UMODL1: variants seen among roughly 807,000 people sequenced by gnomAD.
UMODL1 encodes uromodulin-like 1.
Under a neutral mutation model 136.3 loss-of-function variants are expected in UMODL1, and 128 were observed. The ratio of observed to expected loss-of-function variants is 0.94; its 90% CI spans 0.81 to 1.09. The LOEUF (loss-of-function observed/expected upper bound fraction) is 1.09, where lower values mean the gene tolerates loss of function less well. Ranked by LOEUF, UMODL1 falls within the 50% of genes least tolerant of loss-of-function variation. The probability of loss-of-function intolerance (pLI) is 0.00; values close to 1 mark genes in which losing one functional copy is unlikely to be tolerated. For synonymous variants in UMODL1, 721 were observed against 720.0 expected (o/e 1.00, Z -0.02); for missense variants, 1,766 against 1,725.6 (o/e 1.02, Z -0.41).
chr21:42,081,484 C>T (rs924344796), intron 2 of UMODL1, among the ~76,000 whole-genome samples: 28 of 152,198 alleles, frequency 1.8e-4, no homozygotes, highest in African/African-American at 6.5e-4. Flanking sequence ...TCTCAGGGCA[C>T]TCAGTCAGCT....
chr21:42,108,067 T>A (rs1156480747), intron 9 of UMODL1, among the ~76,000 whole-genome samples: 1 of 152,252 alleles, frequency 6.6e-6, no homozygotes, highest in Non-Finnish European at 1.5e-5. Context: ...GCCTCAAGGC[T>A]TAATGCAAGA....
chr21:42,105,864 G>A (rs1180555531), intron 9 of UMODL1, among the ~76,000 whole-genome samples: 1 of 152,212 alleles, frequency 6.6e-6, no homozygotes, highest in Non-Finnish European at 1.5e-5. Context: ...GCAGCCACAG[G>A]AGACCCGTGT....
At chr21:42,140,192 G>A (rs1026259423) in intron 22 of UMODL1, among the ~76,000 whole-genome samples, 1 of 152,250 alleles carries the variant, frequency 6.6e-6, no homozygotes, top group East Asian at 1.9e-4. Context: ...GACGAAGAGG[G>A]GGTGGGCTGA....
chr21:42,126,575 T>A (rs2067058630), intron 18 of UMODL1, 85 bp downstream of exon 18: 1 of 1,580,380 alleles, frequency 6.3e-7, no homozygotes, highest in Non-Finnish European at 8.6e-7. Context: ...TGTCAACCAC[T>A]TAAGGACCCT....
At position 42,102,163 on chromosome 21, in the gene UMODL1, C is replaced by T; in HGVS notation, c.1187-3C>T. ...GGCTAATTTGTTTCACTGTCTGTCTCAGATGCCCAGGTATTTGAAGTCACA... is the reference window on the plus strand; with the variant it reads ...GGCTAATTTGTTTCACTGTCTGTCTTAGATGCCCAGGTATTTGAAGTCACA... On this transcript the variant is annotated splice_polypyrimidine_tract_variant and splice_region_variant and intron_variant, in intron 7 of 22. Coordinates refer to ENST00000408910, the MANE Select transcript of UMODL1 (RefSeq NM_001004416.3). The T allele has an allele frequency of 6.2e-7, 1 of 1,609,148 alleles. No homozygotes were observed. The highest frequency in any genetic ancestry group is 8.5e-7 in the Non-Finnish European group (1 of 1,176,320).
At chr21:42,121,272 T>G (rs764038127) in intron 16 of UMODL1, 48 bp downstream of exon 16, 1 of 1,565,114 alleles carries the variant, frequency 6.4e-7, no homozygotes, top group Non-Finnish European at 8.7e-7. Flanking sequence ...TCATAATCGG[T>G]TTTTTTTAAG....
chr21:42,071,465 C>G (rs1264308197), intron 1 of UMODL1, 73 bp downstream of exon 1: 3 of 1,388,840 alleles, frequency 2.2e-6, no homozygotes, highest in Non-Finnish European at 2.8e-6. Context: ...ATGAGGACAG[C>G]CCCCTGTGGA....
intron 6 of UMODL1, among the ~76,000 whole-genome samples, chr21:42,095,112 T>TTTTTTTTTA (rs1601205271): frequency 6.9e-6 from 1 of 144,372 alleles, no homozygotes; most frequent in African/African-American, 2.6e-5. Flanking sequence ...TTTTTTTTTT[T>TTTTTTTTTA]GAGACAGGGT....
Position 42,095,089 on chromosome 21 carries a change from GTTT to G in UMODL1, c.932-3816_932-3814del, listed in dbSNP as rs58764222. 4.4e-4 allele frequency among the ~76,000 whole-genome samples: 27 copies of G among 61,206 alleles called. 1 individual carries two copies. Among genetic ancestry groups the G allele is most frequent in the Admixed American group, 2.0e-3 (7 of 3,560 alleles). 40.2% of individuals were successfully genotyped at this position (61,206 alleles called of 152,430 possible). ...CATCACTCCTTTGTTTTCTTCTGCTGTTTTTTTTTTTTTTTTTTTTTTTGAGAC... is the reference window on the plus strand; with the variant it reads ...CATCACTCCTTTGTTTTCTTCTGCTGTTTTTTTTTTTTTTTTTTTTGAGAC... On this transcript the variant is annotated intron_variant, in intron 6 of 22. Transcript: ENST00000408910.
At chr21:42,067,698 G>A (rs2066194337), upstream of UMODL1, among the ~76,000 whole-genome samples, 1 of 152,164 alleles carries the variant, frequency 6.6e-6, no homozygotes, top group Non-Finnish European at 1.5e-5. Context: ...GAAGGCCTGG[G>A]CGCCTCTTCT....
intron 1 of UMODL1, among the ~76,000 whole-genome samples, chr21:42,072,990 G>A (rs958199463): frequency 1.3e-5 from 2 of 149,564 alleles, no homozygotes; most frequent in South Asian, 2.1e-4. Context: ...AACATCTCCC[G>A]GGTTCCACAG....
chr21:42,112,562 C>A (rs2066848957), intron 12 of UMODL1, among the ~76,000 whole-genome samples: 1 of 151,864 alleles, frequency 6.6e-6, no homozygotes, highest in East Asian at 1.9e-4. Flanking sequence ...CTGTTCTGTA[C>A]CCCCAGCTGT....
At chr21:42,103,750 C>T (rs2066669993) in intron 8 of UMODL1, 118 bp from the exon 9 acceptor site, 2 of 1,240,528 alleles carry the variant, frequency 1.6e-6, no homozygotes, top group South Asian at 2.5e-5. Flanking sequence ...TCAGGTGCCT[C>T]CTCTTGATTG....
chr21:42,067,558 T>TG (rs1400574198), upstream of UMODL1, among the ~76,000 whole-genome samples: 24 of 152,338 alleles, frequency 1.6e-4, no homozygotes, highest in African/African-American at 5.8e-4. Flanking sequence ...TGAGGGTATT[T>TG]GGCTCCTAAT....
At position 42,075,998 on chromosome 21, in the gene UMODL1, C is replaced by CT. The variant is rs747028155; in HGVS notation, c.77-4dup. The CT allele has an allele frequency of 4.2e-5, 67 of 1,612,440 alleles. No homozygotes were observed. The East Asian group carries it at 1.4e-3, about 35-fold the overall frequency. On this transcript the variant is annotated splice_region_variant and splice_polypyrimidine_tract_variant and intron_variant, in intron 1 of 22. Coordinates refer to ENST00000408910, the MANE Select transcript of UMODL1 (RefSeq NM_001004416.3). ...TCTCAGTCGCCTTCTTGCTTGGCCT[C>CT]TTTCAGAAAAAGGCCTCTCCCTGTT...
intron 7 of UMODL1, chr21:42,101,813 G>A (rs950353934): frequency 5.6e-5 from 25 of 449,324 alleles, no homozygotes; most frequent in Middle Eastern, 3.3e-4. Flanking sequence ...TAAGGGCCTC[G>A]TCGTGTGAGT....
intron 10 of UMODL1, 96 bp from the exon 11 acceptor site, chr21:42,110,784 A>C: frequency 8.1e-7 from 1 of 1,233,880 alleles, no homozygotes; most frequent in Non-Finnish European, 1.1e-6. Flanking sequence ...TCCGGGATGC[A>C]GAGCAGTCCT....
intron 2 of UMODL1, among the ~76,000 whole-genome samples, chr21:42,078,247 G>C (rs1429339718): frequency 2.1e-5 from 1 of 47,858 alleles, no homozygotes; most frequent in African/African-American, 1.3e-4. Context: ...GAAACCAGGC[G>C]GGGCCAGCTG....
At chr21:42,075,250 G>C (rs916689691) in intron 1 of UMODL1, among the ~76,000 whole-genome samples, 25 of 151,682 alleles carry the variant, frequency 1.6e-4, no homozygotes, top group Admixed American at 5.3e-4. Flanking sequence ...ATGGGGGGGG[G>C]GTTTCACCAT....
Sources: gnomAD v4.1 joint callset for allele counts (sites outside exome capture counted in the v4.1 genomes callset) on GRCh38, gnomAD v4.1.1 for gene constraint, MANE v1.5 for transcripts, NCBI Gene and HGNC (gene_info 2026-07-23, HGNC 2026-07-21) for gene names.